The following IQGAP1 variants were observed in gnomAD, a reference collection of about 807,000 sequenced individuals.
IQGAP1 encodes the protein ras GTPase-activating-like protein IQGAP1.
Under a neutral mutation model 215.6 loss-of-function variants are expected in IQGAP1, and 66 were observed. That is an observed-to-expected ratio of 0.31 (90% confidence interval 0.25 to 0.38). The LOEUF (loss-of-function observed/expected upper bound fraction) is 0.38, where lower values mean the gene tolerates loss of function less well. Ranked by LOEUF, IQGAP1 falls within the 10% of genes least tolerant of loss-of-function variation. The pLI is 1.00. For synonymous variants in IQGAP1, 772 were observed against 728.7 expected (o/e 1.06, Z -0.96); for missense variants, 1,712 against 1,997.1 (o/e 0.86, Z 2.72).
At chr15:90,401,491 T>C (rs1964803769) in intron 2 of IQGAP1, among the ~76,000 whole-genome samples, 1 of 152,184 alleles carries the variant, frequency 6.6e-6, no homozygotes. Context: ...AGTCATAATC[T>C]AAAATATTTT....
chr15:90,459,247 A>G (rs1965729008), intron 15 of IQGAP1, among the ~76,000 whole-genome samples: 1 of 152,216 alleles, frequency 6.6e-6, no homozygotes, highest in African/African-American at 2.4e-5. Flanking sequence ...TTGAGGGCCT[A>G]CTACATACAA....
chr15:90,408,137 G>T (rs1219578913), intron 2 of IQGAP1, among the ~76,000 whole-genome samples: 1 of 152,176 alleles, frequency 6.6e-6, no homozygotes, highest in African/African-American at 2.4e-5. Context: ...CTTTAGAGTT[G>T]AAGCTCTTTC....
intron 2 of IQGAP1, among the ~76,000 whole-genome samples, chr15:90,413,458 G>A (rs1596254651): frequency 6.6e-6 from 1 of 152,112 alleles, no homozygotes; most frequent in African/African-American, 2.4e-5. Context: ...TTTTCCTTAG[G>A]GTATTTATGG....
At chr15:90,473,170 T>A (rs1332301484) in intron 19 of IQGAP1, 160 bp downstream of exon 19, 2 of 652,444 alleles carry the variant, frequency 3.1e-6, no homozygotes, top group Non-Finnish European at 5.2e-6. Context: ...ACCATTTAAC[T>A]GTAGTGTGCC....
At chr15:90,456,974 C>T (rs8034050) in intron 15 of IQGAP1, among the ~76,000 whole-genome samples, 59,641 of 137,656 alleles carry the variant, frequency 0.43, 14,046 homozygotes, top group African/African-American at 0.67. Flanking sequence ...TACATATATA[C>T]GATCCAGAAA....
chr15:90,499,960 ATGTTT>A lies in IQGAP1; in HGVS notation c.4861-10_4861-6del, dbSNP rs58482365. ...TCCACAGACTTGATTAACTGTCAAA[ATGTTT>A]TGTTTTGTTTTGTTTTGTTTTGTTA... On this transcript the variant is annotated intron_variant, in intron 37 of 37. Coordinates refer to ENST00000268182, the MANE Select transcript of IQGAP1 (RefSeq NM_003870.4). The A allele has an allele frequency of 4.9e-3, 5,730 of 1,167,824 alleles. 38 individuals are homozygous for A. Among genetic ancestry groups the A allele is most frequent in the South Asian group, 0.011 (895 of 81,768 alleles). 72.3% of individuals were successfully genotyped at this position (1,167,824 alleles called of 1,614,324 possible).
intron 15 of IQGAP1, among the ~76,000 whole-genome samples, chr15:90,460,701 C>A (rs1965748678): frequency 6.6e-6 from 1 of 152,104 alleles, no homozygotes; most frequent in Admixed American, 6.6e-5. Context: ...TTAATTTCTA[C>A]CGTATTGAAA....
chr15:90,495,925 GTTATTATTA>G (rs541106755), intron 36 of IQGAP1, among the ~76,000 whole-genome samples: 4 of 148,090 alleles, frequency 2.7e-5, no homozygotes, highest in East Asian at 2.0e-4. Context: ...TTATTATTAT[GTTATTATTA>G]TTATTATTAT....
chr15:90,491,755 T>A (rs1966208194), intron 34 of IQGAP1: 1 of 548,386 alleles, frequency 1.8e-6, no homozygotes, highest in African/African-American at 1.9e-5. Context: ...GAGAGGACCT[T>A]AACTGGAGCC....
chr15:90,448,224 T>G (rs75240462), intron 9 of IQGAP1, among the ~76,000 whole-genome samples: 3,473 of 152,298 alleles, frequency 0.023, 52 homozygotes, highest in Non-Finnish European at 0.036. Flanking sequence ...GTAAGTATAA[T>G]CTGGACAACT....
chr15:90,458,969 G>A (rs2283444), intron 15 of IQGAP1, among the ~76,000 whole-genome samples: 26,732 of 151,908 alleles, frequency 0.18, 3,024 homozygotes, highest in East Asian at 0.46. Context: ...ATATAAAATT[G>A]CCCACTCCTC....
intron 17 of IQGAP1, 55 bp downstream of exon 17, chr15:90,466,491 G>A (rs997962165): frequency 1.8e-6 from 2 of 1,089,220 alleles, no homozygotes; most frequent in African/African-American, 1.5e-5. Flanking sequence ...AGTATATGAG[G>A]GGACAGATGT....
At chr15:90,424,443 G>A (rs1965191894) in intron 2 of IQGAP1, among the ~76,000 whole-genome samples, 1 of 152,188 alleles carries the variant, frequency 6.6e-6, no homozygotes, top group Admixed American at 6.5e-5. Context: ...TTATCATCGA[G>A]TATAGGAAAC....
At chr15:90,444,045 C>T (rs184254895) in intron 9 of IQGAP1, among the ~76,000 whole-genome samples, 12 of 150,688 alleles carry the variant, frequency 8.0e-5, no homozygotes, top group African/African-American at 2.2e-4. Flanking sequence ...GACTGGGCAA[C>T]AGTGAGACTC....
intron 20 of IQGAP1, 44 bp downstream of exon 20, chr15:90,473,842 T>A (rs773761727): frequency 6.2e-7 from 1 of 1,610,096 alleles, no homozygotes; most frequent in Non-Finnish European, 8.5e-7. Context: ...GGCACAGGTA[T>A]AACACGTGTT....
In IQGAP1 at chr15:90,489,879, C is replaced by A. The variant is rs1044325662; in HGVS notation, c.4249-1454C>A. On this transcript the variant is annotated intron_variant, in intron 33 of 37. Coordinates refer to ENST00000268182, the MANE Select transcript of IQGAP1 (RefSeq NM_003870.4). ...CCTCTGTTCTTTAATTTAATCCTTA[C>A]AATATTCCCATGAGTCGAGTCTTTT... is the stretch of plus-strand genomic sequence containing the variant. 2.0e-5 allele frequency among the ~76,000 whole-genome samples: 3 copies of A among 152,186 alleles called. No individual in the cohort carries two copies. In the East Asian group the frequency reaches 5.8e-4, roughly 29 times the overall value.
At chr15:90,447,725 GT>G (rs930235678) in intron 9 of IQGAP1, among the ~76,000 whole-genome samples, 1 of 151,236 alleles carries the variant, frequency 6.6e-6, no homozygotes, top group Non-Finnish European at 1.5e-5. Flanking sequence ...GTTTTGTTTT[GT>G]TTTTTTTACA....
intron 2 of IQGAP1, among the ~76,000 whole-genome samples, chr15:90,405,734 T>C (rs1011684387): frequency 5.7e-5 from 8 of 140,804 alleles, no homozygotes; most frequent in Non-Finnish European, 9.2e-5. Flanking sequence ...TTATCAATAG[T>C]GTTCCAGGTT....
chr15:90,476,654 T>G lies in IQGAP1; in HGVS notation c.2785-9T>G. On this transcript the variant is annotated splice_polypyrimidine_tract_variant and intron_variant, in intron 23 of 37. Coordinates refer to ENST00000268182, the MANE Select transcript of IQGAP1 (RefSeq NM_003870.4). Reference sequence around the variant, plus strand: ...GCTTTCTGATCTATTTATTGGTTTTTGTTTATAGGATGTGGTTTCCCACAG... The same window carrying G: ...GCTTTCTGATCTATTTATTGGTTTTGGTTTATAGGATGTGGTTTCCCACAG... The G allele has an allele frequency of 6.4e-7, 1 of 1,564,130 alleles. No individual in the cohort carries two copies. The highest frequency in any genetic ancestry group is 2.2e-5 in the Admixed American group (1 of 46,386).
Sources: allele counts gnomAD v4.1 joint callset (sites outside exome capture counted in the v4.1 genomes callset), GRCh38; gene constraint gnomAD v4.1.1; transcripts MANE v1.5; gene names NCBI Gene and HGNC (gene_info 2026-07-23, HGNC 2026-07-21).